The following MAP2 variants were observed in gnomAD, a reference collection of about 807,000 sequenced individuals.
The protein encoded by MAP2 is microtubule associated protein 2.
Under a neutral mutation model 137.6 loss-of-function variants are expected in MAP2, and 14 were observed. The observed-to-expected ratio is 0.10, with a 90% confidence interval of 0.07 to 0.16. The LOEUF is 0.16. Ranked by LOEUF, MAP2 falls within the 10% of genes least tolerant of loss-of-function variation. MAP2 has a pLI of 1.00. For synonymous variants in MAP2, 786 were observed against 782.3 expected (o/e 1.00, Z -0.08); for missense variants, 2,088 against 2,191.5 (o/e 0.95, Z 0.94).
At chr2:209,595,995 A>C (rs539765394) in intron 3 of MAP2, among the ~76,000 whole-genome samples, 2 of 152,164 alleles carry the variant, frequency 1.3e-5, no homozygotes, top group African/African-American at 2.4e-5. Flanking sequence ...TAGGAGAAAT[A>C]TCTAATGTAA....
rs772865067 is a variant in MAP2 at position 209,692,718 on chromosome 2, A to G, written c.548A>G (p.Glu183Gly). The stretch of plus-strand genomic sequence containing the variant: ...TCAGACCAGAAGGAAAAGGAGTCAG[A>G]GAAGCAAAGTAAGCCTGGTGAAGAC... ...EPSDQKEKES[E>G]KQSKPGEDLK... Residue 183 changes from glutamate to glycine, a missense_variant, in exon 8 of 16, where the codon GAG (glutamate) becomes GGG (glycine). Physicochemically the swap from Glu to Gly is moderately conservative, Grantham distance 98 (BLOSUM62 -2). Around this residue, in one of 6 missense-constraint regions of MAP2, gnomAD observed 859 missense variants for 794.5 expected, o/e 1.08. Coordinates refer to ENST00000682079, the MANE Select transcript of MAP2 (RefSeq NM_001375505.1). The G allele has an allele frequency of 2.5e-6, 4 of 1,614,052 alleles. No individual in the cohort carries two copies. Among genetic ancestry groups the G allele is most frequent in the Admixed American group, 3.3e-5 (2 of 59,994 alleles).
intron 14 of MAP2, among the ~76,000 whole-genome samples, chr2:209,727,714 A>G (rs2074572567): frequency 1.3e-5 from 2 of 152,204 alleles, no homozygotes; most frequent in Admixed American, 6.5e-5. Flanking sequence ...AACTTCATTT[A>G]TAAAGCTTGA....
In MAP2 at chr2:209,704,586, C is replaced by G. The variant is rs2062813967; in HGVS notation, c.4585-994C>G. On this transcript the variant is annotated intron_variant, in intron 11 of 15. Transcript: ENST00000682079. ...ATACAGCCCACCTCAGCAGGCTCCA[C>G]AGACCGTTTGCCATACTCAAAATCA... The G allele has an allele frequency of 1.9e-6, 3 of 1,608,478 alleles. No homozygotes were observed. In the Admixed American group the frequency reaches 5.1e-5, roughly 27 times the overall value.
At chr2:209,502,548 C>T (rs1371552766) in intron 1 of MAP2, among the ~76,000 whole-genome samples, 1 of 152,170 alleles carries the variant, frequency 6.6e-6, no homozygotes, top group Non-Finnish European at 1.5e-5. Flanking sequence ...GCAATGAACA[C>T]AGGAGTGCAG....
At chr2:209,482,585 A>G (rs887679504) in intron 1 of MAP2, among the ~76,000 whole-genome samples, 4 of 152,144 alleles carry the variant, frequency 2.6e-5, no homozygotes, top group Non-Finnish European at 5.9e-5. Context: ...GAAGAATTAA[A>G]CCTCCATTTT....
chr2:209,568,795 A>G (rs1013836640), intron 2 of MAP2, among the ~76,000 whole-genome samples: 1 of 151,880 alleles, frequency 6.6e-6, no homozygotes, highest in Admixed American at 6.6e-5. Flanking sequence ...AAGATCAGCC[A>G]AGAAATTAAT....
At chr2:209,621,257 ATTT>A (rs1186032597) in intron 3 of MAP2, among the ~76,000 whole-genome samples, 4 of 125,102 alleles carry the variant, frequency 3.2e-5, no homozygotes, top group Non-Finnish European at 5.0e-5. Flanking sequence ...AGGCATCTTG[ATTT>A]TTTTTTTTTT....
At chr2:209,572,638 G>C (rs1381839188) in intron 2 of MAP2, among the ~76,000 whole-genome samples, 3 of 152,086 alleles carry the variant, frequency 2.0e-5, no homozygotes, top group Non-Finnish European at 4.4e-5. Flanking sequence ...AACAAAACTT[G>C]TGGCAGGAGT....
intron 13 of MAP2, among the ~76,000 whole-genome samples, chr2:209,717,764 C>T (rs1209700324): frequency 6.6e-6 from 1 of 152,142 alleles, no homozygotes; most frequent in African/African-American, 2.4e-5. Context: ...CATTAAATGA[C>T]AAAAGGGCAA....
At chr2:209,517,949 G>C (rs2062752088) in intron 2 of MAP2, among the ~76,000 whole-genome samples, 1 of 152,020 alleles carries the variant, frequency 6.6e-6, no homozygotes. Flanking sequence ...TGGGAAACCA[G>C]ATTACATTCT....
At chr2:209,565,581 TG>T (rs1315027069) in intron 2 of MAP2, among the ~76,000 whole-genome samples, 16 of 152,228 alleles carry the variant, frequency 1.1e-4, no homozygotes, top group Non-Finnish European at 2.2e-4. Context: ...TTTCCATCCA[TG>T]ATTTATAGCT....
rs898572546 is a variant in MAP2 at position 209,653,379 on chromosome 2, C to G, written c.209C>G (p.Thr70Ser). Residue 70 changes from threonine to serine, a missense_variant, in exon 5 of 16, where the codon ACC (threonine) becomes AGC (serine). Coordinates refer to ENST00000682079, the MANE Select transcript of MAP2 (RefSeq NM_001375505.1). Reference sequence around the variant, plus strand: ...GGGTCACAGGGCACCTATTCAAATACCAAAGAGAATGGGATCAACGGAGAG... The same window carrying G: ...GGGTCACAGGGCACCTATTCAAATAGCAAAGAGAATGGGATCAACGGAGAG... Reference protein sequence around the residue: ...EHGSQGTYSNTKENGINGELT... With the variant: ...EHGSQGTYSNSKENGINGELT... 6.2e-7 allele frequency: 1 copy of G among 1,613,552 alleles called. No homozygotes were observed. Among genetic ancestry groups the G allele is most frequent in the Non-Finnish European group, 8.5e-7 (1 of 1,179,816 alleles).
At chr2:209,676,151 A>G (rs548740536) in intron 5 of MAP2, among the ~76,000 whole-genome samples, 58 of 152,068 alleles carry the variant, frequency 3.8e-4, no homozygotes, top group African/African-American at 1.3e-3. Flanking sequence ...ATGCCCATCA[A>G]TGATAGATTG....
intron 5 of MAP2, among the ~76,000 whole-genome samples, chr2:209,654,663 T>G (rs2095027850): frequency 6.6e-6 from 1 of 151,546 alleles, no homozygotes; most frequent in Non-Finnish European, 1.5e-5. Flanking sequence ...AGGGTGGAAC[T>G]TGGGTGTCAG....
chr2:209,613,258 TA>T (rs2087676637), intron 3 of MAP2, among the ~76,000 whole-genome samples: 2 of 145,084 alleles, frequency 1.4e-5, no homozygotes, highest in African/African-American at 4.9e-5. Flanking sequence ...TATTTTTATT[TA>T]TTTATTTATT....
chr2:209,698,377 G>T (rs1242790373), intron 10 of MAP2, among the ~76,000 whole-genome samples: 1 of 152,110 alleles, frequency 6.6e-6, no homozygotes, highest in Non-Finnish European at 1.5e-5. Context: ...TAAGTGGCAT[G>T]CTTGTAGTCT....
chr2:209,516,570 G>T (rs887107321), intron 2 of MAP2, among the ~76,000 whole-genome samples: 1 of 152,080 alleles, frequency 6.6e-6, no homozygotes, highest in Non-Finnish European at 1.5e-5. Flanking sequence ...CGAAAATAAA[G>T]GTATAGGAAT....
At chr2:209,700,910 C>T (rs1290101295) in intron 11 of MAP2, among the ~76,000 whole-genome samples, 3 of 152,006 alleles carry the variant, frequency 2.0e-5, no homozygotes, top group East Asian at 1.9e-4. Context: ...ACTTCCATGT[C>T]GTTGAACATT....
chr2:209,538,994 T>C (rs2066446014), intron 2 of MAP2, among the ~76,000 whole-genome samples: 1 of 152,176 alleles, frequency 6.6e-6, no homozygotes, highest in South Asian at 2.1e-4. Flanking sequence ...ATACAGTAAC[T>C]GGTTTTTCAA....
Sources: allele counts gnomAD v4.1 joint callset (sites outside exome capture counted in the v4.1 genomes callset), GRCh38; gene constraint gnomAD v4.1.1; regional missense constraint gnomAD v4.1.1; transcripts MANE v1.5; gene names NCBI Gene and HGNC (gene_info 2026-07-23, HGNC 2026-07-21).